Variants in SRPX observed in about 807,000 individuals in gnomAD.
SRPX encodes sushi repeat-containing protein SRPX.
Under a neutral mutation model 38.1 loss-of-function variants are expected in SRPX, and 24 were observed. That is an observed-to-expected ratio of 0.63 (90% CI 0.46 to 0.89). The LOEUF (loss-of-function observed/expected upper bound fraction) is 0.89, where lower values mean the gene tolerates loss of function less well. SRPX is among the 40% of genes least tolerant of loss of function. SRPX has a pLI of 0.00. For missense variants in SRPX, 416 were observed against 377.8 expected (o/e 1.10, Z -0.84); for synonymous variants, 184 against 153.8 (o/e 1.20, Z -1.45).
intron 2 of SRPX, among the ~76,000 whole-genome samples, chrX:38,175,194 C>A (rs999928040): frequency 8.9e-6 from 1 of 112,010 alleles, no homozygotes; most frequent in Non-Finnish European, 1.9e-5. Context: ...GCAGCCACTG[C>A]CCCATTGTCC....
chrX:38,217,615 G>A (rs901285960), intron 1 of SRPX, among the ~76,000 whole-genome samples: 3 of 112,015 alleles, frequency 2.7e-5, no homozygotes, highest in African/African-American at 9.7e-5. Flanking sequence ...GAGTAAGGGA[G>A]TGATGTGATA....
rs5902179 is a variant in SRPX at position 38,177,548 on chromosome X, A to ATTT, written c.157+734_157+736dup. 4.1e-5 allele frequency among the ~76,000 whole-genome samples: 4 copies of ATTT among 96,797 alleles called. No individual in the cohort carries two copies. The East Asian group carries it at 9.9e-4, about 24-fold the overall frequency. 84.1% of individuals were successfully genotyped at this position (96,797 alleles called of 115,157 possible). Reference sequence around the variant, plus strand: ...ATGCCGCAGTGAAACTTTGTTAACCATTTTTTTTTTTTTTTCAAATTCTTC... The same window carrying ATTT: ...ATGCCGCAGTGAAACTTTGTTAACCATTTTTTTTTTTTTTTTTTCAAATTCTTC... On this transcript the variant is annotated intron_variant, in intron 2 of 9. Coordinates refer to ENST00000378533, the MANE Select transcript of SRPX (RefSeq NM_006307.5).
intron 2 of SRPX, among the ~76,000 whole-genome samples, chrX:38,176,646 A>C (rs919883206): frequency 9.0e-6 from 1 of 111,121 alleles, no homozygotes; most frequent in Non-Finnish European, 1.9e-5. Context: ...ATGCAACATT[A>C]GCTGGGTGTG....
chrX:38,170,509 T>G (rs1938446748), intron 4 of SRPX, among the ~76,000 whole-genome samples: 1 of 111,878 alleles, frequency 8.9e-6, no homozygotes, highest in South Asian at 3.8e-4. Context: ...TCTCTCTTTT[T>G]TCCTGGGAGC....
At chrX:38,217,110 G>A (rs980267297) in intron 1 of SRPX, among the ~76,000 whole-genome samples, 4 of 112,208 alleles carry the variant, frequency 3.6e-5, no homozygotes, top group Non-Finnish European at 5.6e-5. Context: ...AATCCATTAC[G>A]CACAAATATC....
intron 1 of SRPX, among the ~76,000 whole-genome samples, chrX:38,200,493 G>A (rs1029331585): frequency 4.5e-5 from 5 of 111,785 alleles, no homozygotes; most frequent in African/African-American, 1.6e-4. Context: ...AAATACCACA[G>A]ACCAGGTAAT....
intron 1 of SRPX, among the ~76,000 whole-genome samples, chrX:38,199,241 C>T (rs1354763112): frequency 4.5e-5 from 5 of 110,831 alleles, no homozygotes; most frequent in African/African-American, 9.9e-5. Context: ...CCCGTCTCTA[C>T]TAAAAATACA....
chrX:38,198,917 C>G (rs1420534480), intron 1 of SRPX, among the ~76,000 whole-genome samples: 4 of 110,701 alleles, frequency 3.6e-5, no homozygotes, highest in African/African-American at 1.3e-4. Context: ...TAAGAGAACT[C>G]AGATCAAGAA....
chrX:38,176,140 G>A (rs1166658353), intron 2 of SRPX, among the ~76,000 whole-genome samples: 1 of 111,525 alleles, frequency 9.0e-6, no homozygotes, highest in Admixed American at 9.5e-5. Flanking sequence ...TTAGGTGAAT[G>A]TACTGTCTCT....
intron 9 of SRPX, among the ~76,000 whole-genome samples, chrX:38,153,069 G>A (rs967016131): frequency 1.8e-5 from 2 of 111,411 alleles, no homozygotes; most frequent in African/African-American, 3.3e-5. Flanking sequence ...TCCACTTAGC[G>A]CCAACATGGT....
At chrX:38,160,894 A>C (rs1260820340) in intron 6 of SRPX, 39 bp downstream of exon 6, 11 of 1,196,257 alleles carry the variant, frequency 9.2e-6, no homozygotes, top group Non-Finnish European at 1.2e-5. Flanking sequence ...TGCTCTTCTA[A>C]AGAGAGGGGG....
At chrX:38,208,312 G>C (rs1044311110) in intron 1 of SRPX, among the ~76,000 whole-genome samples, 1 of 111,518 alleles carries the variant, frequency 9.0e-6, no homozygotes, top group African/African-American at 3.3e-5. Context: ...AGACCCCCTT[G>C]TGGCCCCTCC....
At chrX:38,216,371 T>C (rs1163088352) in intron 1 of SRPX, among the ~76,000 whole-genome samples, 2 of 113,164 alleles carry the variant, frequency 1.8e-5, no homozygotes, top group East Asian at 5.5e-4. Flanking sequence ...CATAAATGCT[T>C]CATCATTCAG....
At chrX:38,179,338 T>C (rs757411611) in intron 1 of SRPX, among the ~76,000 whole-genome samples, 3 of 112,469 alleles carry the variant, frequency 2.7e-5, no homozygotes, top group Non-Finnish European at 3.7e-5. Flanking sequence ...ATTTGCAAGC[T>C]GGAGCTGAAT....
intron 1 of SRPX, among the ~76,000 whole-genome samples, chrX:38,211,395 C>T (rs769625683): frequency 8.9e-6 from 1 of 111,864 alleles, no homozygotes; most frequent in South Asian, 3.8e-4. Flanking sequence ...GTGATCCTTA[C>T]TCAGCCTGTA....
intron 1 of SRPX, among the ~76,000 whole-genome samples, chrX:38,183,853 T>C (rs1938717274): frequency 8.9e-6 from 1 of 111,907 alleles, no homozygotes; most frequent in Non-Finnish European, 1.9e-5. Context: ...CTCAGAGCCA[T>C]GTAGGATTCT....
intron 1 of SRPX, among the ~76,000 whole-genome samples, chrX:38,208,768 A>G (rs2147125995): frequency 9.4e-6 from 1 of 106,035 alleles, no homozygotes; most frequent in South Asian, 4.4e-4. Flanking sequence ...AGCCTTGACC[A>G]CCTGGGTTCA....
chrX:38,153,302 C>CTTTTTTTTTTTT (rs58888978), intron 9 of SRPX, among the ~76,000 whole-genome samples: 62 of 54,692 alleles, frequency 1.1e-3, no homozygotes, highest in East Asian at 3.3e-3. Flanking sequence ...TTCTTTCTTT[C>CTTTTTTTTTTTT]TTTTTTTTTT....
intron 5 of SRPX, 127 bp downstream of exon 5, chrX:38,164,642 A>ATAAC (rs1938329174): frequency 1.5e-6 from 1 of 660,730 alleles, no homozygotes; most frequent in African/African-American, 2.2e-5. Flanking sequence ...ATAGTATGTT[A>ATAAC]GGTAGTGACC....
Sources: gnomAD v4.1 joint callset for allele counts (sites outside exome capture counted in the v4.1 genomes callset) on GRCh38, gnomAD v4.1.1 for gene constraint, MANE v1.5 for transcripts, NCBI Gene and HGNC (gene_info 2026-07-23, HGNC 2026-07-21) for gene names.